Variants in BOC observed in about 807,000 individuals in gnomAD.
The protein encoded by BOC is brother of CDO.
In BOC, 76 loss-of-function variants were observed where a neutral mutation model predicts 112.0. The ratio of observed to expected loss-of-function variants is 0.68; its 90% CI spans 0.56 to 0.82. The LOEUF (loss-of-function observed/expected upper bound fraction) is 0.82, where lower values mean the gene tolerates loss of function less well. Ranked by LOEUF, BOC falls within the 40% of genes least tolerant of loss-of-function variation. The pLI, the probability that BOC is intolerant of heterozygous loss-of-function variation, is 0.00. For synonymous variants in BOC, 580 were observed against 599.8 expected (o/e 0.97, Z 0.48); for missense variants, 1,309 against 1,511.7 (o/e 0.87, Z 2.22).
At chr3:113,218,026 A>G (rs554865226) in intron 2 of BOC, among the ~76,000 whole-genome samples, 2 of 152,138 alleles carry the variant, frequency 1.3e-5, no homozygotes, top group African/African-American at 4.8e-5. Flanking sequence ...AATCATTCCC[A>G]CAGTACCAAG....
chr3:113,219,059 T>C (rs1054844014), intron 2 of BOC, among the ~76,000 whole-genome samples: 2 of 152,146 alleles, frequency 1.3e-5, no homozygotes, highest in Non-Finnish European at 2.9e-5. Context: ...TGTGATGGGG[T>C]TAATGTGTGT....
chr3:113,284,864 C>G lies in BOC; in HGVS notation c.2966+6C>G. The stretch of plus-strand genomic sequence containing the variant: ...CAAAGTCACCAGATCACGAGGTAAC[C>G]AGGCCTCTCCCCTTTCACTCCCAAG... On this transcript the variant is annotated splice_donor_region_variant and intron_variant, in intron 18 of 19. Transcript: ENST00000682979. The G allele has an allele frequency of 6.2e-7, 1 of 1,613,638 alleles. No homozygotes were observed. The highest frequency in any genetic ancestry group is 8.5e-7 in the Non-Finnish European group (1 of 1,179,534).
intron 2 of BOC, among the ~76,000 whole-genome samples, chr3:113,230,996 A>T (rs190622921): frequency 6.6e-6 from 1 of 152,208 alleles, no homozygotes; most frequent in Non-Finnish European, 1.5e-5. Flanking sequence ...ATGCAACAGA[A>T]TCCTGGAATT....
intron 2 of BOC, among the ~76,000 whole-genome samples, chr3:113,224,855 A>G (rs975859558): frequency 1.3e-5 from 2 of 152,142 alleles, no homozygotes; most frequent in African/African-American, 4.8e-5. Context: ...GCACTTTGGG[A>G]GGCTGAGACC....
chr3:113,254,329 G>C (rs1033448866), intron 4 of BOC, among the ~76,000 whole-genome samples: 9 of 152,212 alleles, frequency 5.9e-5, no homozygotes, highest in African/African-American at 2.2e-4. Context: ...CAGGCATGGG[G>C]GGCTGTGTCA....
rs933526164 is a variant in BOC at position 113,268,211 on chromosome 3, A to G, written c.377-88A>G. The G allele has an allele frequency of 6.0e-5, 94 of 1,555,424 alleles. No homozygotes were observed. In the African/African-American group the frequency reaches 1.1e-3, roughly 18 times the overall value. On this transcript the variant is annotated intron_variant, in intron 4 of 19. Coordinates refer to ENST00000682979, the MANE Select transcript of BOC (RefSeq NM_001378074.1). ...CCCCCTAGGTGTGAGCTTTGTCATG[A>G]CTGACAACACCAAGGCACAAGCCCA...
intron 2 of BOC, among the ~76,000 whole-genome samples, chr3:113,216,760 T>G (rs1230416776): frequency 6.6e-6 from 1 of 152,200 alleles, no homozygotes; most frequent in Non-Finnish European, 1.5e-5. Flanking sequence ...GGCCTTCTCT[T>G]CAAAGAAGGC....
chr3:113,283,615 G>C lies in BOC; in HGVS notation c.2639G>C (p.Arg880Thr). The C allele has an allele frequency of 6.2e-7, 1 of 1,613,694 alleles. No individual in the cohort carries two copies. Residue 880 changes from arginine to threonine, a missense_variant, in exon 16 of 20, where the codon AGG becomes ACG. Coordinates refer to ENST00000682979, the MANE Select transcript of BOC (RefSeq NM_001378074.1). ...ACCTTCATCCCCTTCTGCTTGTGGAGGGCCTGGTCTAAGCAAAGTGAGTGA... is the reference window on the plus strand; with the variant it reads ...ACCTTCATCCCCTTCTGCTTGTGGACGGCCTGGTCTAAGCAAAGTGAGTGA... ...IVTFIPFCLW[R>T]AWSKQKHTTD...
intron 5 of BOC, chr3:113,269,632 A>C (rs1576466675): frequency 6.6e-6 from 1 of 152,286 alleles, no homozygotes; most frequent in Middle Eastern, 3.4e-3. Context: ...CATTATAGAA[A>C]ACTTAGAGAA....
chr3:113,230,438 T>C (rs1302407184), intron 2 of BOC, among the ~76,000 whole-genome samples: 1 of 152,258 alleles, frequency 6.6e-6, no homozygotes, highest in African/African-American at 2.4e-5. Context: ...TGCTTTAAGC[T>C]GCCAAGGACC....
At chr3:113,262,719 G>T (rs1420616262) in intron 4 of BOC, among the ~76,000 whole-genome samples, 6 of 152,204 alleles carry the variant, frequency 3.9e-5, no homozygotes, top group African/African-American at 1.2e-4. Context: ...CGTTTCACTT[G>T]CAGATCATTT....
At chr3:113,216,424 A>G (rs954514639) in intron 2 of BOC, 150 bp downstream of exon 2, 1 of 384,884 alleles carries the variant, frequency 2.6e-6, no homozygotes, top group Admixed American at 3.0e-5. Context: ...ACTTCAGGTT[A>G]GTTCTAGCTC....
At chr3:113,283,331 G>A in intron 15 of BOC, 80 bp from the exon 16 acceptor site, 15 of 1,381,330 alleles carry the variant, frequency 1.1e-5, no homozygotes, top group Non-Finnish European at 1.4e-5. Context: ...CCCATGGAAT[G>A]GGGGTATTTT....
chr3:113,241,099 C>T (rs1232868311), intron 2 of BOC, among the ~76,000 whole-genome samples: 1 of 152,216 alleles, frequency 6.6e-6, no homozygotes, highest in African/African-American at 2.4e-5. Flanking sequence ...TGTGACTTCT[C>T]AAGGCCACTG....
At chr3:113,244,987 C>T (rs928810355) in intron 2 of BOC, among the ~76,000 whole-genome samples, 4 of 152,152 alleles carry the variant, frequency 2.6e-5, no homozygotes, top group Admixed American at 2.0e-4. Flanking sequence ...AGCCCAAAGT[C>T]TCCCTTCTGA....
intron 6 of BOC, chr3:113,271,893 A>G (rs1014071443): frequency 3.6e-5 from 6 of 167,392 alleles, no homozygotes; most frequent in Admixed American, 2.2e-4. Flanking sequence ...GGACCTTGCA[A>G]TATGAGAAAT....
intron 4 of BOC, among the ~76,000 whole-genome samples, chr3:113,257,732 C>T (rs968486671): frequency 1.3e-5 from 2 of 152,206 alleles, no homozygotes; most frequent in Non-Finnish European, 2.9e-5. Context: ...CAATCTACCT[C>T]TTTAATTTAA....
intron 15 of BOC, among the ~76,000 whole-genome samples, chr3:113,282,615 G>C (rs11715146): frequency 0.34 from 51,269 of 151,888 alleles, 9,234 homozygotes; most frequent in East Asian, 0.59. Flanking sequence ...CAGGGGGTCC[G>C]GGTGGGGAGA....
chr3:113,274,255 A>C lies in BOC; in HGVS notation c.1235-120A>C. On this transcript the variant is annotated intron_variant, in intron 8 of 19. Transcript: ENST00000682979. This position sits in a 1 kb window ranked among gnomAD's most constrained non-coding sequence, Gnocchi z 4.8. Reference sequence around the variant, plus strand: ...TGGGCAGCACAGAGTGGGTGGCGGTACAGCTGATGGTGGGCCCAGGTTGCC... The same window carrying C: ...TGGGCAGCACAGAGTGGGTGGCGGTCCAGCTGATGGTGGGCCCAGGTTGCC... 42 of 865,482 alleles carry C rather than the reference A, an allele frequency of 4.9e-5. No homozygotes were observed. Among genetic ancestry groups the C allele is most frequent in the Non-Finnish European group, 6.4e-5 (38 of 595,214 alleles). The allele number at this position is 865,482 out of a possible 1,614,324, so 53.6% of individuals were successfully genotyped here. A position where few individuals can be genotyped will look rare whatever the true frequency, so the allele number is the denominator to read the frequency against.
Sources: gnomAD v4.1 joint callset for allele counts (sites outside exome capture counted in the v4.1 genomes callset) on GRCh38, gnomAD v4.1.1 for gene constraint, Gnocchi (gnomAD v3.1) non-coding constraint, MANE v1.5 for transcripts, NCBI Gene and HGNC (gene_info 2026-07-23, HGNC 2026-07-21) for gene names.